The following RHOBTB2 variants were observed in gnomAD, a reference collection of about 807,000 sequenced individuals.
The protein encoded by RHOBTB2 is Rho related BTB domain containing 2.
Under a neutral mutation model 66.5 loss-of-function variants are expected in RHOBTB2, and 39 were observed. The ratio of observed to expected loss-of-function variants is 0.59; its 90% CI spans 0.45 to 0.77. The LOEUF is 0.77. Ranked by LOEUF, RHOBTB2 falls within the 30% of genes least tolerant of loss-of-function variation. The pLI, the probability that RHOBTB2 is intolerant of heterozygous loss-of-function variation, is 0.00. For missense variants in RHOBTB2, 755 were observed against 999.1 expected, an observed-to-expected ratio of 0.76 and a Z score of 3.29; for synonymous variants, 390 against 395.0, an observed-to-expected ratio of 0.99 and a Z score of 0.15.
chr8:22,964,327 A>G, the RHOBTB2 span, among the ~76,000 whole-genome samples: 1 of 152,088 alleles, frequency 6.6e-6, no homozygotes, highest in Admixed American at 6.6e-5. Context: ...AAGCATTCCA[A>G]CATTCATTCC....
At chr8:23,015,791 GGGT>G in intron 9 of RHOBTB2, 48 bp downstream of exon 9, 1 of 1,310,454 alleles carries the variant, frequency 7.6e-7, no homozygotes, top group Non-Finnish European at 1.1e-6. Context: ...CTCCCCTTAG[GGGT>G]GCACAGCTCC....
rs1023074601 is a variant in RHOBTB2, at chr8:23,006,820, C to T, written c.575C>T (p.Ala192Val). ...CCCTACTATGAGACCAGCGTGGTGGCCCAGTTCGGCATCAAGGACGTCTTT... is the reference window on the plus strand; with the variant it reads ...CCCTACTATGAGACCAGCGTGGTGGTCCAGTTCGGCATCAAGGACGTCTTT... Reference protein sequence around the residue: ...GIPYYETSVVAQFGIKDVFDN... With the variant: ...GIPYYETSVVVQFGIKDVFDN... The change falls in exon 5 of 10, where the codon GCC becomes GTC. Residue 192 changes from alanine (A) to valine (V), a missense_variant. Physicochemically the swap from Ala to Val is moderately conservative, Grantham distance 64. Coordinates refer to ENST00000251822, the MANE Select transcript of RHOBTB2 (RefSeq NM_015178.3). This position sits in a 1 kb window ranked among gnomAD's most constrained non-coding sequence, Gnocchi z 6.1. The T allele has an allele frequency of 5.0e-6, 8 of 1,614,166 alleles. No individual in the cohort carries two copies. The highest frequency in any genetic ancestry group is 6.8e-6 in the Non-Finnish European group (8 of 1,180,024).
At chr8:22,963,927 A>G in the RHOBTB2 span, among the ~76,000 whole-genome samples, 2 of 151,936 alleles carry the variant, frequency 1.3e-5, no homozygotes, top group Non-Finnish European at 2.9e-5. Context: ...GATTACAGGC[A>G]TGCGCCACCA....
At position 22,999,683 on chromosome 8, in the gene RHOBTB2, G is replaced by A; in HGVS notation, c.-433G>A. The A allele has an allele frequency of 8.2e-7, 1 of 1,219,420 alleles. No homozygotes were observed. Among genetic ancestry groups the A allele is most frequent in the Non-Finnish European group, 1.0e-6 (1 of 957,646 alleles). 75.5% of individuals were successfully genotyped at this position (1,219,420 alleles called of 1,614,324 possible). On this transcript the variant is annotated 5_prime_UTR_variant, in exon 1 of 10. Transcript: ENST00000251822. ...AAAGGAGGTCGCGAGCGGTACCTGG[G>A]ACTGCAGCGCCAGGCGTCTTCGCGG...
upstream of RHOBTB2, among the ~76,000 whole-genome samples, chr8:22,986,138 A>ACTTCTCTCT (rs1563280648): frequency 1.7e-5 from 2 of 117,688 alleles, no homozygotes; most frequent in African/African-American, 7.9e-5. Flanking sequence ...AGGACGGTGG[A>ACTTCTCTCT]CTTCTCTCTC....
Position 23,019,376 on chromosome 8 carries a change from G to C in RHOBTB2, c.*1907G>C, listed in dbSNP as rs994653644. On this transcript the variant is annotated 3_prime_UTR_variant, in exon 10 of 10. Transcript: ENST00000251822. ...GCCTCCCCTCCACGGCCTCCAGGGC[G>C]GCTGGCTGGAAAGCCACGCGTATGC... 6.5e-6 allele frequency: 1 copy of C among 152,724 alleles called. No homozygotes were observed. The highest frequency in any genetic ancestry group is 1.5e-5 in the Non-Finnish European group (1 of 68,640). 9.5% of individuals were successfully genotyped at this position (152,724 alleles called of 1,614,324 possible). A position where few individuals can be genotyped will look rare whatever the true frequency, so the allele number is the denominator to read the frequency against.
chr8:22,971,537 C>T, the RHOBTB2 span, among the ~76,000 whole-genome samples: 1 of 152,094 alleles, frequency 6.6e-6, no homozygotes, highest in Non-Finnish European at 1.5e-5. Flanking sequence ...CGCACTGCCT[C>T]CACTTCTACA....
At chr8:23,002,119 G>A (rs1352742936) in intron 1 of RHOBTB2, among the ~76,000 whole-genome samples, 1 of 152,212 alleles carries the variant, frequency 6.6e-6, no homozygotes, top group Non-Finnish European at 1.5e-5. Flanking sequence ...CCCCGCTTCT[G>A]TCTACAGACC....
the RHOBTB2 span, among the ~76,000 whole-genome samples, chr8:22,950,941 C>T: frequency 6.6e-6 from 1 of 152,160 alleles, no homozygotes; most frequent in Non-Finnish European, 1.5e-5. Flanking sequence ...CGGCATTCAC[C>T]GCTGCAAGTT....
At chr8:22,956,897 T>A in the RHOBTB2 span, among the ~76,000 whole-genome samples, 2 of 152,140 alleles carry the variant, frequency 1.3e-5, no homozygotes, top group African/African-American at 4.8e-5. Flanking sequence ...TGACTTTAGG[T>A]GATCCACCCG....
chr8:23,017,478 C>G lies in RHOBTB2; in HGVS notation c.*9C>G. 1 of 1,569,528 alleles carries G rather than the reference C, an allele frequency of 6.4e-7. No homozygotes were observed. The highest frequency in any genetic ancestry group is 8.6e-7 in the Non-Finnish European group (1 of 1,157,510). On this transcript the variant is annotated 3_prime_UTR_variant, in exon 10 of 10. Coordinates refer to ENST00000251822, the MANE Select transcript of RHOBTB2 (RefSeq NM_015178.3). This position sits in a 1 kb window ranked among gnomAD's most constrained non-coding sequence, Gnocchi z 5.3. Reference sequence around the variant, plus strand: ...CCTCGGCTGTGGTCTGAGATGCTGCCACCCTCTTCTGACCCTGCTGCTGTT... The same window carrying G: ...CCTCGGCTGTGGTCTGAGATGCTGCGACCCTCTTCTGACCCTGCTGCTGTT...
chr8:23,015,531 C>T, intron 8 of RHOBTB2, 107 bp from the exon 9 acceptor site: 1 of 723,242 alleles, frequency 1.4e-6, no homozygotes, highest in East Asian at 2.7e-5. Flanking sequence ...TGCAGGGCCT[C>T]TGCGTGCCCT....
chr8:22,983,544 G>A (rs1046647027), upstream of RHOBTB2, among the ~76,000 whole-genome samples: 14 of 151,690 alleles, frequency 9.2e-5, no homozygotes, highest in African/African-American at 3.4e-4. Flanking sequence ...AGTTCAGCCA[G>A]AGTAAAGCAT....
the RHOBTB2 span, among the ~76,000 whole-genome samples, chr8:22,973,337 T>C: frequency 6.6e-6 from 1 of 152,080 alleles, no homozygotes; most frequent in Non-Finnish European, 1.5e-5. Context: ...CAAGCAATCC[T>C]CCCCTCTCGG....
the RHOBTB2 span, among the ~76,000 whole-genome samples, chr8:22,974,005 C>A: frequency 6.7e-6 from 1 of 150,118 alleles, no homozygotes; most frequent in African/African-American, 2.5e-5. Flanking sequence ...GGGCTCCCAG[C>A]CAGCTCCGCT....
At chr8:23,005,259 A>G in intron 2 of RHOBTB2, 113 bp from the exon 3 acceptor site, 1 of 721,420 alleles carries the variant, frequency 1.4e-6, no homozygotes. Flanking sequence ...TTGTCCCTCC[A>G]TGCCCAGTGA....
chr8:22,970,604 A>C, the RHOBTB2 span, among the ~76,000 whole-genome samples: 2 of 42,548 alleles, frequency 4.7e-5, no homozygotes, highest in Non-Finnish European at 8.1e-5. Flanking sequence ...CTCTGTCCCT[A>C]AAAAAAAAAA....
rs994254449 is a variant in RHOBTB2 at position 23,019,515 on chromosome 8, T to G, written c.*2046T>G. On this transcript the variant is annotated 3_prime_UTR_variant, in exon 10 of 10. Transcript: ENST00000251822. ...GGACGAAGGGGGAACCCGGAGCACCTCCACTTCTAGGGAAGATGGACAGCG... is the reference window on the plus strand; with the variant it reads ...GGACGAAGGGGGAACCCGGAGCACCGCCACTTCTAGGGAAGATGGACAGCG... 2 of 152,514 alleles carry G rather than the reference T, an allele frequency of 1.3e-5. No homozygotes were observed. The highest frequency in any genetic ancestry group is 1.9e-4 in the East Asian group (1 of 5,194). The allele number at this position is 152,514 out of a possible 1,614,324, so 9.4% of individuals were successfully genotyped here. A position where few individuals can be genotyped will look rare whatever the true frequency, so the allele number is the denominator to read the frequency against.
the RHOBTB2 span, among the ~76,000 whole-genome samples, chr8:22,976,504 T>A: frequency 4.6e-3 from 703 of 152,288 alleles, 8 homozygotes; most frequent in Middle Eastern, 0.027. Flanking sequence ...GGCAGTATTG[T>A]TTTCTACCCA....
Sources: gnomAD v4.1 joint callset for allele counts (sites outside exome capture counted in the v4.1 genomes callset) on GRCh38, gnomAD v4.1.1 for gene constraint, Gnocchi (gnomAD v3.1) non-coding constraint, MANE v1.5 for transcripts, NCBI Gene and HGNC (gene_info 2026-07-23, HGNC 2026-07-21) for gene names.